EPHB3: variants seen among roughly 807,000 people sequenced by gnomAD.
EPHB3 encodes ephrin type-B receptor 3.
EPHB3 carries 33 observed loss-of-function variants against 100.2 expected under a neutral mutation model. The ratio of observed to expected loss-of-function variants is 0.33; its 90% CI spans 0.25 to 0.44. EPHB3 has a LOEUF of 0.44. EPHB3 is among the 20% of genes least tolerant of loss of function. The pLI, the probability that EPHB3 is intolerant of heterozygous loss-of-function variation, is 1.00. For missense variants in EPHB3, 1,045 were observed against 1,378.3 expected, an observed-to-expected ratio of 0.76 and a Z score of 3.83; for synonymous variants, 526 against 554.7, an observed-to-expected ratio of 0.95 and a Z score of 0.73.
chr3:184,577,043 T>C lies in EPHB3; in HGVS notation c.1214T>C (p.Leu405Pro). ...NVEFVPRQLG[L>P]TERRVHISHL... ...GAGTTTGTGCCTCGGCAGCTGGGCC[T>C]GACGGAGCGCCGGGTCCACATCAGC... Residue 405 changes from leucine to proline, a missense_variant, in exon 5 of 16, where the codon CTG becomes CCG. Leu to Pro is a moderately conservative substitution (Grantham distance 98). Around this residue, in one of 2 missense-constraint regions of EPHB3, gnomAD observed 985 missense variants for 1,331.1 expected, o/e 0.74. Transcript: ENST00000330394. The surrounding 1 kb of genome is among the most constrained non-coding windows in gnomAD (Gnocchi z 4.9). 6.2e-7 allele frequency: 1 copy of C among 1,613,876 alleles called. No individual in the cohort carries two copies. Among genetic ancestry groups the C allele is most frequent in the Non-Finnish European group, 8.5e-7 (1 of 1,179,980 alleles).
chr3:184,582,225 A>C lies in EPHB3; in HGVS notation c.*603A>C. On this transcript the variant is annotated 3_prime_UTR_variant, in exon 16 of 16. Transcript: ENST00000330394. ...GTTGCCCTTTGCCCCCCAGAGACTG[A>C]CTCTCAGAGCCAGAGATGGGATGTG... The C allele has an allele frequency of 6.3e-6, 1 of 159,522 alleles. No individual in the cohort carries two copies. Among genetic ancestry groups the C allele is most frequent in the Non-Finnish European group, 1.4e-5 (1 of 72,736 alleles). 9.9% of individuals were successfully genotyped at this position (159,522 alleles called of 1,614,324 possible).
Position 184,578,172 on chromosome 3 carries a change from T to G in EPHB3, c.1748+166T>G. The G allele has an allele frequency of 3.4e-6, 3 of 880,968 alleles. No homozygotes were observed. The highest frequency in any genetic ancestry group is 5.1e-6 in the Non-Finnish European group (3 of 588,204). 54.6% of individuals were successfully genotyped at this position (880,968 alleles called of 1,614,324 possible). A position where few individuals can be genotyped will look rare whatever the true frequency, so the allele number is the denominator to read the frequency against. On this transcript the variant is annotated intron_variant, in intron 8 of 15. Transcript: ENST00000330394. This position sits in a 1 kb window ranked among gnomAD's most constrained non-coding sequence, Gnocchi z 4.7. ...AGAAGCCCTCTCCCATCCCTGCCTGTGTCTTCATCCCGCCCTTTCTCCATA... is the reference window on the plus strand; with the variant it reads ...AGAAGCCCTCTCCCATCCCTGCCTGGGTCTTCATCCCGCCCTTTCTCCATA...
rs1352980913 is a variant in EPHB3 at position 184,563,037 on chromosome 3, C to T, written c.118+684C>T. ...TGCCCCAGGTAGCAGCAGAGCCCGGCGCCTTCCTCAGTAGCTGGTGGGAAA... is the reference window on the plus strand; with the variant it reads ...TGCCCCAGGTAGCAGCAGAGCCCGGTGCCTTCCTCAGTAGCTGGTGGGAAA... On this transcript the variant is annotated intron_variant, in intron 1 of 15. Coordinates refer to ENST00000330394, the MANE Select transcript of EPHB3 (RefSeq NM_004443.4). This position sits in a 1 kb window ranked among gnomAD's most constrained non-coding sequence, Gnocchi z 4.1. Among the ~76,000 whole-genome samples the T allele has an allele frequency of 6.6e-6, 1 of 152,220 alleles. No individual in the cohort carries two copies. The highest frequency in any genetic ancestry group is 2.4e-5 in the African/African-American group (1 of 41,464).
Position 184,562,653 on chromosome 3 carries a change from G to T in EPHB3, c.118+300G>T, listed in dbSNP as rs1464315937. Reference sequence around the variant, plus strand: ...TTCGCGGGAGTCCCCCACACTCACGGCAGAGAAGTGGGGCTCCCGGCACCC... The same window carrying T: ...TTCGCGGGAGTCCCCCACACTCACGTCAGAGAAGTGGGGCTCCCGGCACCC... On this transcript the variant is annotated intron_variant, in intron 1 of 15. Coordinates refer to ENST00000330394, the MANE Select transcript of EPHB3 (RefSeq NM_004443.4). The surrounding 1 kb of genome is among the most constrained non-coding windows in gnomAD (Gnocchi z 4.8). 1.3e-5 allele frequency among the ~76,000 whole-genome samples: 2 copies of T among 152,078 alleles called. No homozygotes were observed. Among genetic ancestry groups the T allele is most frequent in the Non-Finnish European group, 2.9e-5 (2 of 68,008 alleles).
In EPHB3 at chr3:184,577,409, C is replaced by A; in HGVS notation, c.1421C>A (p.Ala474Glu). The A allele has an allele frequency of 2.5e-6, 4 of 1,614,028 alleles. No individual in the cohort carries two copies. The highest frequency in any genetic ancestry group is 3.4e-6 in the Non-Finnish European group (4 of 1,180,022). Reference protein sequence around the residue: ...SSGSSLTLSWAPPERPNGVIL... With the variant: ...SSGSSLTLSWEPPERPNGVIL... The stretch of plus-strand genomic sequence containing the variant: ...GGCAGCAGCCTCACCCTATCCTGGG[C>A]ACCCCCAGAGCGGCCCAACGGAGTC... The change falls in exon 6 of 16, where the codon GCA becomes GAA. Residue 474 changes from alanine to glutamate, a missense_variant. This residue lies in a region of EPHB3 where 985 missense variants were observed against 1,331.1 expected (regional missense o/e 0.74). Transcript: ENST00000330394. This position sits in a 1 kb window ranked among gnomAD's most constrained non-coding sequence, Gnocchi z 4.9.
intron 1 of EPHB3, among the ~76,000 whole-genome samples, chr3:184,570,130 G>A (rs957243847): frequency 2.0e-5 from 3 of 152,186 alleles, no homozygotes; most frequent in South Asian, 4.1e-4. Flanking sequence ...CACAGGCCGG[G>A]TACTGTGACA....
chr3:184,576,833 T>G lies in EPHB3; in HGVS notation c.1013-9T>G. 6.5e-7 allele frequency: 1 copy of G among 1,530,012 alleles called. No homozygotes were observed. Among genetic ancestry groups the G allele is most frequent in the Non-Finnish European group, 8.8e-7 (1 of 1,135,922 alleles). 94.8% of individuals were successfully genotyped at this position (1,530,012 alleles called of 1,614,324 possible). A position where few individuals can be genotyped will look rare whatever the true frequency, so the allele number is the denominator to read the frequency against. Reference sequence around the variant, plus strand: ...AGCTCACTACCTTCTCCCTCCATATTCCTCACAGCCGTGCCATCTCCACCC... The same window carrying G: ...AGCTCACTACCTTCTCCCTCCATATGCCTCACAGCCGTGCCATCTCCACCC... On this transcript the variant is annotated splice_polypyrimidine_tract_variant and intron_variant, in intron 4 of 15. Transcript: ENST00000330394.
At position 184,577,995 on chromosome 3, in the gene EPHB3, C is replaced by G; in HGVS notation, c.1737C>G (p.Ile579Met). The G allele has an allele frequency of 6.2e-7, 1 of 1,613,940 alleles. No individual in the cohort carries two copies. Among genetic ancestry groups the G allele is most frequent in the Non-Finnish European group, 8.5e-7 (1 of 1,179,924 alleles). Residue 579 changes from isoleucine to methionine, a missense_variant, in exon 8 of 16, where the codon ATC (isoleucine) becomes ATG (methionine). This residue lies in a region of EPHB3 where 985 missense variants were observed against 1,331.1 expected (regional missense o/e 0.74). Coordinates refer to ENST00000330394, the MANE Select transcript of EPHB3 (RefSeq NM_004443.4). This position sits in a 1 kb window ranked among gnomAD's most constrained non-coding sequence, Gnocchi z 4.9. ...TGGTGGCTGTCGTGGTCATCGCTAT[C>G]GTCTGCCTCAGGTACTCCCAGGCCC... ...VFVVAVVVIAIVCLRKQRHGS... is the reference protein window; with the variant it reads ...VFVVAVVVIAMVCLRKQRHGS...
Position 184,565,663 on chromosome 3 carries a change from C to T in EPHB3, c.118+3310C>T, listed in dbSNP as rs939917467. The stretch of plus-strand genomic sequence containing the variant: ...GAACACGGGAACTGAGAGGGGACAG[C>T]GGGCCAGGATTTGGAGGGCTTGCTC... On this transcript the variant is annotated intron_variant, in intron 1 of 15. Transcript: ENST00000330394. The surrounding 1 kb of genome is among the most constrained non-coding windows in gnomAD (Gnocchi z 4.8). Among the ~76,000 whole-genome samples the T allele has an allele frequency of 7.2e-5, 11 of 152,138 alleles. No individual in the cohort carries two copies. Among genetic ancestry groups the T allele is most frequent in the African/African-American group, 1.2e-4 (5 of 41,432 alleles).
intron 3 of EPHB3, 92 bp from the exon 4 acceptor site, chr3:184,575,738 G>T: frequency 2.7e-6 from 4 of 1,463,326 alleles, no homozygotes; most frequent in Non-Finnish European, 3.6e-6. Flanking sequence ...CCAGACCTAG[G>T]CTGGGGAGAA....
At chr3:184,581,223 A>T in intron 14 of EPHB3, 30 bp from the exon 15 acceptor site, 1 of 1,602,138 alleles carries the variant, frequency 6.2e-7, no homozygotes, top group South Asian at 1.1e-5. Context: ...CACCTTCAAG[A>T]CTCACCAGGT....
Position 184,580,844 on chromosome 3 carries a change from G to A in EPHB3, c.2504G>A (p.Gly835Glu). The A allele has an allele frequency of 6.2e-7, 1 of 1,614,218 alleles. No individual in the cohort carries two copies. The highest frequency in any genetic ancestry group is 8.5e-7 in the Non-Finnish European group (1 of 1,180,016). ...GIVMWEVMSY[G>E]ERPYWDMSNQ... ...GTCATGTGGGAGGTCATGAGCTATG[G>A]AGAGCGACCCTACTGGGACATGAGC... The change falls in exon 13 of 16, where the codon GGA becomes GAA. Residue 835 changes from glycine to glutamate, a missense_variant. By Grantham distance (98) the Gly-to-Glu change is moderately conservative. Around this residue, in one of 2 missense-constraint regions of EPHB3, gnomAD observed 985 missense variants for 1,331.1 expected, o/e 0.74. Transcript: ENST00000330394.
Position 184,571,100 on chromosome 3 carries a change from C to T in EPHB3, c.119-218C>T, listed in dbSNP as rs1041522573. Among the ~76,000 whole-genome samples, 36 of 152,108 alleles carry T rather than the reference C, an allele frequency of 2.4e-4. No individual in the cohort carries two copies. Among genetic ancestry groups the T allele is most frequent in the African/African-American group, 8.2e-4 (34 of 41,494 alleles). ...CCTCCCGAGTAGCTGGGATTACAGGCGTGCGCCACCAGCCTGGCTAATTTT... is the reference window on the plus strand; with the variant it reads ...CCTCCCGAGTAGCTGGGATTACAGGTGTGCGCCACCAGCCTGGCTAATTTT... On this transcript the variant is annotated intron_variant, in intron 1 of 15. Transcript: ENST00000330394. This position sits in a 1 kb window ranked among gnomAD's most constrained non-coding sequence, Gnocchi z 5.0.
intron 1 of EPHB3, among the ~76,000 whole-genome samples, chr3:184,567,320 C>T (rs1714412308): frequency 1.3e-5 from 2 of 152,220 alleles, no homozygotes; most frequent in Admixed American, 1.3e-4. Context: ...TAAGGCTGCC[C>T]CAGCACCTCT....
In EPHB3 at chr3:184,576,938, A is replaced by C; in HGVS notation, c.1109A>C (p.Asp370Ala). The C allele has an allele frequency of 6.2e-7, 1 of 1,603,560 alleles. No homozygotes were observed. Among genetic ancestry groups the C allele is most frequent in the Non-Finnish European group, 8.5e-7 (1 of 1,172,120 alleles). ...SEPRDLGGRD[D>A]LLYNVICKKC... ...CCCCGGGACCTGGGTGGCCGGGATGACCTCCTGTACAATGTCATCTGCAAG... is the reference window on the plus strand; with the variant it reads ...CCCCGGGACCTGGGTGGCCGGGATGCCCTCCTGTACAATGTCATCTGCAAG... The change falls in exon 5 of 16, where the codon GAC becomes GCC. Residue 370 changes from aspartate to alanine, a missense_variant. Asp to Ala is a moderately radical substitution (Grantham distance 126, BLOSUM62 -2). Transcript: ENST00000330394.
intron 3 of EPHB3, among the ~76,000 whole-genome samples, chr3:184,574,014 C>A (rs963213094): frequency 5.9e-5 from 9 of 152,164 alleles, no homozygotes; most frequent in African/African-American, 2.2e-4. Flanking sequence ...CACTCCTGGC[C>A]CTGGGCAAGT....
chr3:184,571,314 C>T lies in EPHB3; in HGVS notation c.119-4C>T, dbSNP rs1432152771. 1.9e-6 allele frequency: 3 copies of T among 1,613,834 alleles called. No homozygotes were observed. In the East Asian group the frequency reaches 6.7e-5, roughly 36 times the overall value. On this transcript the variant is annotated splice_region_variant and splice_polypyrimidine_tract_variant and intron_variant, in intron 1 of 15. Coordinates refer to ENST00000330394, the MANE Select transcript of EPHB3 (RefSeq NM_004443.4). The surrounding 1 kb of genome is among the most constrained non-coding windows in gnomAD (Gnocchi z 5.0). The stretch of plus-strand genomic sequence containing the variant: ...CCTGACCTTTTTCTCCGTTGTTCCT[C>T]CAGAGACCCTCATGGACACAAAATG...
rs1297675198 is a variant in EPHB3, at chr3:184,579,856, G to A, written c.2094G>A (p.Glu698=). Residue 698 remains glutamate (E), a synonymous_variant, in exon 11 of 16, where the codon GAG becomes GAA. Transcript: ENST00000330394. The surrounding 1 kb of genome is among the most constrained non-coding windows in gnomAD (Gnocchi z 5.2). ...QFDHPNIIRL[E]GVVTKSRPVM... is the part of the protein sequence containing the mutation. ...ATCACCCCAATATAATCCGGCTCGA[G>A]GGCGTGGTCACCAAAAGTCGGCCAG... 5 of 1,613,600 alleles carry A rather than the reference G, an allele frequency of 3.1e-6. No individual in the cohort carries two copies. The Admixed American group carries it at 6.7e-5, about 22-fold the overall frequency.
chr3:184,572,977 C>G lies in EPHB3; in HGVS notation c.657C>G (p.Phe219Leu). ...YKKCASTTAGFALFPETLTGA... is the reference protein window; with the variant it reads ...YKKCASTTAGLALFPETLTGA... ...AGTGTGCATCCACCACCGCAGGCTT[C>G]GCACTCTTCCCCGAGACCCTCACTG... The change falls in exon 3 of 16, where the codon TTC becomes TTG. Residue 219 changes from phenylalanine to leucine, a missense_variant. Around this residue, in one of 2 missense-constraint regions of EPHB3, gnomAD observed 985 missense variants for 1,331.1 expected, o/e 0.74. Transcript: ENST00000330394. The surrounding 1 kb of genome is among the most constrained non-coding windows in gnomAD (Gnocchi z 6.6). 1 of 1,604,426 alleles carries G rather than the reference C, an allele frequency of 6.2e-7. No individual in the cohort carries two copies. The highest frequency in any genetic ancestry group is 1.1e-5 in the South Asian group (1 of 89,520).
Sources: gnomAD v4.1 joint callset for allele counts (sites outside exome capture counted in the v4.1 genomes callset) on GRCh38, gnomAD v4.1.1 for gene constraint, gnomAD v4.1.1 regional missense constraint, Gnocchi (gnomAD v3.1) non-coding constraint, MANE v1.5 for transcripts, NCBI Gene and HGNC (gene_info 2026-07-23, HGNC 2026-07-21) for gene names.